The following MRRF variants were observed in gnomAD, a reference collection of about 807,000 sequenced individuals.
The protein encoded by MRRF is ribosome-recycling factor, mitochondrial.
Under a neutral mutation model 25.1 loss-of-function variants are expected in MRRF, and 18 were observed. The ratio of observed to expected loss-of-function variants is 0.72; its 90% CI spans 0.50 to 1.06. MRRF has a LOEUF of 1.06. Among genes scored for constraint, MRRF ranks in the 50% least tolerant of loss-of-function variants. The pLI, the probability that MRRF is intolerant of heterozygous loss-of-function variation, is 0.00. For missense variants in MRRF, 323 were observed against 319.3 expected (o/e 1.01, Z -0.09); for synonymous variants, 113 against 112.1 (o/e 1.01, Z -0.05).
At chr9:122,280,388 T>G in intron 2 of MRRF, 55 bp from the exon 3 acceptor site, 1 of 1,595,320 alleles carries the variant, frequency 6.3e-7, no homozygotes, top group Non-Finnish European at 8.6e-7. Context: ...CACCAATTGC[T>G]TATTGGCTCT....
chr9:122,327,529 T>C lies in MRRF; in HGVS notation c.*4912T>C, dbSNP rs1836174463. ...CAAATTTTGATATGTATGCAGGAAATGTAGCTTATAGAGTATGTTGTTTAG... is the reference window on the plus strand; with the variant it reads ...CAAATTTTGATATGTATGCAGGAAACGTAGCTTATAGAGTATGTTGTTTAG... On this transcript the variant is annotated 3_prime_UTR_variant, in exon 7 of 7. Transcript: ENST00000344641. 1 of 152,204 alleles carries C rather than the reference T, an allele frequency of 6.6e-6. No homozygotes were observed. Among genetic ancestry groups the C allele is most frequent in the Non-Finnish European group, 1.5e-5 (1 of 68,018 alleles). The allele number at this position is 152,204 out of a possible 1,614,324, so 9.4% of individuals were successfully genotyped here.
At chr9:122,277,383 C>A (rs1046025644) in intron 2 of MRRF, among the ~76,000 whole-genome samples, 2 of 152,088 alleles carry the variant, frequency 1.3e-5, no homozygotes, top group Non-Finnish European at 2.9e-5. Flanking sequence ...TTTTTCCATC[C>A]CTATACATCA....
At chr9:122,279,456 A>G (rs1175674244) in intron 2 of MRRF, among the ~76,000 whole-genome samples, 3 of 152,232 alleles carry the variant, frequency 2.0e-5, no homozygotes, top group African/African-American at 7.2e-5. Context: ...TACAGGATTG[A>G]GTTCACTGTA....
chr9:122,285,467 C>G, intron 4 of MRRF, 180 bp downstream of exon 4: 2 of 647,144 alleles, frequency 3.1e-6, no homozygotes, highest in Non-Finnish European at 2.8e-6. Context: ...CTGTTAAACT[C>G]AGATGCTACA....
At chr9:122,273,438 C>CT (rs1196683316) in intron 2 of MRRF, among the ~76,000 whole-genome samples, 1 of 122,552 alleles carries the variant, frequency 8.2e-6, no homozygotes. Context: ...GAGACCCTGT[C>CT]TCAAAAAAAA....
intron 6 of MRRF, among the ~76,000 whole-genome samples, chr9:122,314,057 A>G (rs1835366101): frequency 6.6e-6 from 1 of 152,212 alleles, no homozygotes; most frequent in African/African-American, 2.4e-5. Context: ...TTGAACGTTA[A>G]CATGTACAGA....
At chr9:122,300,795 T>G (rs903861288) in intron 5 of MRRF, among the ~76,000 whole-genome samples, 13 of 152,330 alleles carry the variant, frequency 8.5e-5, no homozygotes, top group Admixed American at 7.2e-4. Flanking sequence ...TTAACTTGCT[T>G]GGGCATACTG....
chr9:122,305,374 T>C (rs1235120023), intron 5 of MRRF, among the ~76,000 whole-genome samples: 4 of 139,610 alleles, frequency 2.9e-5, no homozygotes, highest in African/African-American at 8.2e-5. Context: ...ATTATGCCAC[T>C]ACACTCCAGC....
In MRRF at chr9:122,292,312, A is replaced by C. The variant is rs895464564; in HGVS notation, c.551+472A>C. Among the ~76,000 whole-genome samples, 4 of 152,200 alleles carry C rather than the reference A, an allele frequency of 2.6e-5. 1 individual carries two copies. The South Asian group carries it at 6.2e-4, about 24-fold the overall frequency. On this transcript the variant is annotated intron_variant, in intron 5 of 6. Transcript: ENST00000344641. Reference sequence around the variant, plus strand: ...ATTTTGGGCAGCGTGAACAGCAAGCAGAAAGGCCTCCAGTTTGAAAAGACC... The same window carrying C: ...ATTTTGGGCAGCGTGAACAGCAAGCCGAAAGGCCTCCAGTTTGAAAAGACC...
Position 122,329,183 on chromosome 9 carries a change from T to TA in MRRF, c.*6567dup, listed in dbSNP as rs1404455578. 9 of 152,214 alleles carry TA rather than the reference T, an allele frequency of 5.9e-5. No homozygotes were observed. Among genetic ancestry groups the TA allele is most frequent in the Non-Finnish European group, 1.3e-4 (9 of 68,046 alleles). The allele number at this position is 152,214 out of a possible 1,614,324, so 9.4% of individuals were successfully genotyped here. On this transcript the variant is annotated 3_prime_UTR_variant, in exon 7 of 7. Coordinates refer to ENST00000344641, the MANE Select transcript of MRRF (RefSeq NM_138777.5). The stretch of plus-strand genomic sequence containing the variant: ...ATTCCTTTAATTGTGATGCATCTCT[T>TA]ACAACTACCCTGATACCACCAGTGC...
chr9:122,280,250 A>G (rs1833016096), intron 2 of MRRF, among the ~76,000 whole-genome samples, 193 bp from the exon 3 acceptor site: 1 of 152,230 alleles, frequency 6.6e-6, no homozygotes, highest in Non-Finnish European at 1.5e-5. Context: ...GTGCCCCCTC[A>G]CTAGTATCTG....
intron 2 of MRRF, among the ~76,000 whole-genome samples, chr9:122,279,047 A>G (rs1832944256): frequency 6.6e-6 from 1 of 152,030 alleles, no homozygotes; most frequent in Non-Finnish European, 1.5e-5. Flanking sequence ...TAATTTTTGT[A>G]ATTTTAGTAG....
intron 5 of MRRF, among the ~76,000 whole-genome samples, chr9:122,304,919 C>G (rs769666566): frequency 6.6e-6 from 1 of 151,828 alleles, no homozygotes; most frequent in Non-Finnish European, 1.5e-5. Context: ...GGGCAGGTTA[C>G]TTGATCTGTC....
intron 5 of MRRF, among the ~76,000 whole-genome samples, chr9:122,299,810 T>A (rs1225933754): frequency 1.3e-5 from 2 of 151,836 alleles, no homozygotes; most frequent in African/African-American, 2.4e-5. Context: ...GAAGGTAAGA[T>A]CTGAGATTAT....
intron 5 of MRRF, among the ~76,000 whole-genome samples, chr9:122,312,763 A>C (rs973711024): frequency 2.0e-5 from 3 of 152,212 alleles, no homozygotes; most frequent in Non-Finnish European, 2.9e-5. Context: ...ATGGCTTCCC[A>C]GCCTCTTTTC....
At chr9:122,287,633 A>C (rs573550560) in intron 4 of MRRF, among the ~76,000 whole-genome samples, 20 of 152,370 alleles carry the variant, frequency 1.3e-4, no homozygotes, top group African/African-American at 4.6e-4. Flanking sequence ...CCACCAGAGC[A>C]TCTTATGAAG....
intron 2 of MRRF, among the ~76,000 whole-genome samples, chr9:122,279,170 C>T (rs1179391767): frequency 6.6e-6 from 1 of 152,174 alleles, no homozygotes; most frequent in South Asian, 2.1e-4. Flanking sequence ...TGCGCCCAGC[C>T]CCACATCTTC....
At chr9:122,272,921 GC>G (rs1222361754) in intron 2 of MRRF, among the ~76,000 whole-genome samples, 1 of 152,024 alleles carries the variant, frequency 6.6e-6, no homozygotes, top group Non-Finnish European at 1.5e-5. Context: ...GATTTGTAAT[GC>G]CCCGCCCCAT....
Position 122,301,017 on chromosome 9 carries a change from G to A in MRRF, c.551+9177G>A, listed in dbSNP as rs79448787. 7.2e-5 allele frequency among the ~76,000 whole-genome samples: 11 copies of A among 152,196 alleles called. No individual in the cohort carries two copies. The East Asian group carries it at 1.7e-3, about 24-fold the overall frequency. On this transcript the variant is annotated intron_variant, in intron 5 of 6. Coordinates refer to ENST00000344641, the MANE Select transcript of MRRF (RefSeq NM_138777.5). Reference sequence around the variant, plus strand: ...AACCGCTTCCTAAAGCTTCAAGATCGTTAGATAATTGCTATCGTCATTTTC... The same window carrying A: ...AACCGCTTCCTAAAGCTTCAAGATCATTAGATAATTGCTATCGTCATTTTC...
Sources: allele counts gnomAD v4.1 joint callset (sites outside exome capture counted in the v4.1 genomes callset), GRCh38; gene constraint gnomAD v4.1.1; transcripts MANE v1.5; gene names NCBI Gene and HGNC (gene_info 2026-07-23, HGNC 2026-07-21).